CADM2: variants seen among roughly 807,000 people sequenced by gnomAD.
The protein encoded by CADM2 is cell adhesion molecule 2, also known as immunoglobulin superfamily member 4D.
In CADM2, 12 loss-of-function variants were observed where a neutral mutation model predicts 49.8. The observed-to-expected ratio is 0.24, with a 90% CI of 0.15 to 0.39. CADM2 has a LOEUF of 0.39. Ranked by LOEUF, CADM2 falls within the 10% of genes least tolerant of loss-of-function variation. The probability of loss-of-function intolerance (pLI) is 1.00; values close to 1 mark genes in which losing one functional copy is unlikely to be tolerated. For synonymous variants in CADM2, 214 were observed against 175.4 expected, an observed-to-expected ratio of 1.22 and a Z score of -1.74; for missense variants, 378 against 492.3, an observed-to-expected ratio of 0.77 and a Z score of 2.20.
At chr3:85,986,148 C>T (rs1728084065) in intron 8 of CADM2, among the ~76,000 whole-genome samples, 1 of 152,010 alleles carries the variant, frequency 6.6e-6, no homozygotes, top group Non-Finnish European at 1.5e-5. Flanking sequence ...CAAAAGAAAT[C>T]AAGTCTATCT....
At chr3:85,883,860 A>G (rs1318074194) in intron 4 of CADM2, among the ~76,000 whole-genome samples, 1 of 152,152 alleles carries the variant, frequency 6.6e-6, no homozygotes, top group Non-Finnish European at 1.5e-5. Context: ...AAGTCACCTG[A>G]TAAGGGCCTT....
chr3:85,906,465 A>T (rs1467960239), intron 5 of CADM2, among the ~76,000 whole-genome samples: 1 of 152,134 alleles, frequency 6.6e-6, no homozygotes, highest in Non-Finnish European at 1.5e-5. Flanking sequence ...ATCTATTAAG[A>T]AGAGCTGAAT....
intron 1 of CADM2, among the ~76,000 whole-genome samples, chr3:85,109,501 T>C (rs563883325): frequency 6.7e-4 from 102 of 152,024 alleles, no homozygotes; most frequent in Non-Finnish European, 1.1e-3. Flanking sequence ...TTCTCAGCCA[T>C]GAACTCATTT....
intron 1 of CADM2, among the ~76,000 whole-genome samples, chr3:85,267,853 T>C (rs558893687): frequency 6.6e-6 from 1 of 151,778 alleles, no homozygotes; most frequent in East Asian, 1.9e-4. Context: ...ATTTATCTTA[T>C]AATTTAAATG....
In CADM2 at chr3:85,623,068, G is replaced by A. The variant is rs73141341; in HGVS notation, c.62-103454G>A. 5.2e-3 allele frequency among the ~76,000 whole-genome samples: 793 copies of A among 152,050 alleles called. 4 individuals carry two copies. Among genetic ancestry groups the A allele is most frequent in the Middle Eastern group, 0.014 (4 of 294 alleles). ...TTAAGCCCACTGATAAGAATCAGTG[G>A]GCCAGTAAGGTATACTCCAAGGACA... On this transcript the variant is annotated intron_variant, in intron 1 of 9. Coordinates refer to ENST00000383699, the MANE Select transcript of CADM2 (RefSeq NM_001167675.2).
chr3:85,555,108 G>A (rs1376500175), intron 1 of CADM2, among the ~76,000 whole-genome samples: 2 of 151,986 alleles, frequency 1.3e-5, no homozygotes, highest in African/African-American at 4.8e-5. Flanking sequence ...CTTTCACTGT[G>A]TTTTTATAAG....
At chr3:85,191,600 A>G (rs2041209710) in intron 1 of CADM2, among the ~76,000 whole-genome samples, 2 of 152,122 alleles carry the variant, frequency 1.3e-5, no homozygotes, top group Non-Finnish European at 2.9e-5. Context: ...CTGCAGTCAC[A>G]GTGTCTAATG....
chr3:85,132,150 T>C (rs2039250671), intron 1 of CADM2, among the ~76,000 whole-genome samples: 1 of 152,242 alleles, frequency 6.6e-6, no homozygotes, highest in African/African-American at 2.4e-5. Context: ...GAGGACATGA[T>C]TAAAGTTGCA....
At chr3:85,956,813 G>A (rs1429986860) in intron 7 of CADM2, among the ~76,000 whole-genome samples, 1 of 151,678 alleles carries the variant, frequency 6.6e-6, no homozygotes, top group South Asian at 2.1e-4. Context: ...AGACAAAAAA[G>A]CTTATAAACA....
intron 1 of CADM2, among the ~76,000 whole-genome samples, chr3:85,065,515 C>G (rs1043597044): frequency 3.3e-5 from 5 of 152,006 alleles, no homozygotes; most frequent in African/African-American, 1.2e-4. Flanking sequence ...TCTAAACTTC[C>G]TTGATTTATA....
At chr3:85,508,819 G>T (rs576550146) in intron 1 of CADM2, among the ~76,000 whole-genome samples, 1 of 128,564 alleles carries the variant, frequency 7.8e-6, no homozygotes, top group Non-Finnish European at 1.6e-5. Flanking sequence ...CATCCTGAAA[G>T]GATATCTCTG....
chr3:85,941,090 AG>A (rs1174226506), intron 7 of CADM2, among the ~76,000 whole-genome samples: 1 of 152,144 alleles, frequency 6.6e-6, no homozygotes, highest in Non-Finnish European at 1.5e-5. Context: ...TCTAAAATGA[AG>A]AACACAAAAT....
chr3:85,652,281 C>G (rs1280827756), intron 1 of CADM2, among the ~76,000 whole-genome samples: 2 of 152,058 alleles, frequency 1.3e-5, no homozygotes, highest in South Asian at 2.1e-4. Context: ...CTTCTAGAAG[C>G]AGGGGTTAGC....
At chr3:85,092,805 G>A (rs924355715) in intron 1 of CADM2, among the ~76,000 whole-genome samples, 1 of 151,950 alleles carries the variant, frequency 6.6e-6, no homozygotes, top group Non-Finnish European at 1.5e-5. Flanking sequence ...GCCATTCTAT[G>A]GTCTAAAACT....
At chr3:85,294,108 A>G (rs1158673690) in intron 1 of CADM2, among the ~76,000 whole-genome samples, 2 of 151,962 alleles carry the variant, frequency 1.3e-5, no homozygotes, top group Non-Finnish European at 2.9e-5. Flanking sequence ...ATACAAAATC[A>G]ATGTACAAAA....
At chr3:85,764,359 G>A (rs1024681164) in intron 2 of CADM2, among the ~76,000 whole-genome samples, 1 of 152,010 alleles carries the variant, frequency 6.6e-6, no homozygotes, top group African/African-American at 2.4e-5. Flanking sequence ...GCAATAGATG[G>A]AGTCATCCAG....
intron 8 of CADM2, among the ~76,000 whole-genome samples, chr3:85,966,392 C>T (rs1192383386): frequency 4.0e-5 from 6 of 151,454 alleles, no homozygotes; most frequent in East Asian, 2.0e-4. Context: ...TTTCTTTTAC[C>T]GTAGTAACCC....
At chr3:84,976,517 TTAAG>T (rs989854846) in intron 1 of CADM2, among the ~76,000 whole-genome samples, 12 of 151,840 alleles carry the variant, frequency 7.9e-5, no homozygotes, top group Non-Finnish European at 1.3e-4. Context: ...GGTTATTTTA[TTAAG>T]TATCAGAAAT....
At chr3:85,769,620 A>ATG (rs1344825162) in intron 2 of CADM2, among the ~76,000 whole-genome samples, 1 of 100,132 alleles carries the variant, frequency 1.0e-5, no homozygotes, top group Non-Finnish European at 2.1e-5. Context: ...ATATACATAT[A>ATG]TAGTATATAT....
Sources: allele counts gnomAD v4.1 joint callset (sites outside exome capture counted in the v4.1 genomes callset), GRCh38; gene constraint gnomAD v4.1.1; transcripts MANE v1.5; gene names NCBI Gene and HGNC (gene_info 2026-07-23, HGNC 2026-07-21).